CYP2J2: variants seen among roughly 807,000 people sequenced by gnomAD.
CYP2J2 encodes the protein cytochrome P450 family 2 subfamily J member 2, also known as cytochrome P450 2J2.
Under a neutral mutation model 48.8 loss-of-function variants are expected in CYP2J2, and 41 were observed. The ratio of observed to expected loss-of-function variants is 0.84; its 90% CI spans 0.66 to 1.09. The LOEUF is 1.09. CYP2J2 is among the 50% of genes least tolerant of loss of function. CYP2J2 has a pLI of 0.00. For synonymous variants in CYP2J2, 221 were observed against 227.1 expected (o/e 0.97, Z 0.24); for missense variants, 644 against 617.3 (o/e 1.04, Z -0.46).
chr1:59,916,465 G>A (rs1234759186), intron 1 of CYP2J2, among the ~76,000 whole-genome samples: 2 of 152,232 alleles, frequency 1.3e-5, no homozygotes, highest in East Asian at 3.8e-4. Context: ...CATGTGCAGT[G>A]GCTTACGCCT....
At chr1:59,942,655 T>G in the CYP2J2 span, among the ~76,000 whole-genome samples, 1 of 151,908 alleles carries the variant, frequency 6.6e-6, no homozygotes, top group East Asian at 1.9e-4. Context: ...AGAGCAGAAG[T>G]AGGAGAGACA....
chr1:59,912,143 T>C lies in CYP2J2; in HGVS notation c.523+19A>G. 1 of 1,604,994 alleles carries C rather than the reference T, an allele frequency of 6.2e-7. No homozygotes were observed. The highest frequency in any genetic ancestry group is 8.5e-7 in the Non-Finnish European group (1 of 1,175,674). On this transcript the variant is annotated intron_variant, in intron 3 of 8. Coordinates refer to ENST00000371204, the MANE Select transcript of CYP2J2 (RefSeq NM_000775.4). The stretch of plus-strand genomic sequence containing the variant: ...CAAATGGGCCACAGTCTCTCACCTC[T>C]GTCATATGCAATGCTCACCGTTCTC...
At chr1:59,959,183 C>T in the CYP2J2 span, among the ~76,000 whole-genome samples, 2 of 152,082 alleles carry the variant, frequency 1.3e-5, no homozygotes, top group Non-Finnish European at 2.9e-5. Flanking sequence ...CACAAGCATG[C>T]CTTAATATTA....
chr1:59,917,231 A>G (rs569589123), intron 1 of CYP2J2, among the ~76,000 whole-genome samples: 2 of 152,298 alleles, frequency 1.3e-5, no homozygotes, highest in Admixed American at 6.5e-5. Context: ...GCGCACAGCC[A>G]CCCAGCGAGT....
In CYP2J2 at chr1:59,912,261, G is replaced by A. The variant is rs1415858177; in HGVS notation, c.424C>T (p.Leu142=). 3.7e-6 allele frequency: 6 copies of A among 1,613,820 alleles called. No homozygotes were observed. The highest frequency in any genetic ancestry group is 5.1e-6 in the Non-Finnish European group (6 of 1,179,868). Residue 142 remains leucine, a synonymous_variant, in exon 3 of 9, where the codon CTG becomes TTG. Coordinates refer to ENST00000371204, the MANE Select transcript of CYP2J2 (RefSeq NM_000775.4). The part of the protein sequence containing the change: ...QAWKEQRRFT[L]TALRNFGLGK... ...AAACCAAAGTTCCTTAGTGCTGTCA[G>A]AGTGAACCTTCTTTGCTCCTTCCAT...
At chr1:59,915,114 T>C (rs1644453198) in intron 2 of CYP2J2, among the ~76,000 whole-genome samples, 1 of 152,232 alleles carries the variant, frequency 6.6e-6, no homozygotes, top group Admixed American at 6.5e-5. Context: ...CATGTTTTCT[T>C]GCTGACCTTC....
chr1:59,943,677 GTT>G, the CYP2J2 span, among the ~76,000 whole-genome samples: 42 of 147,302 alleles, frequency 2.9e-4, no homozygotes, highest in Admixed American at 1.4e-3. Flanking sequence ...ATCTGAAGCA[GTT>G]TTTTTTTTTT....
chr1:59,941,417 A>G, the CYP2J2 span, among the ~76,000 whole-genome samples: 1 of 152,240 alleles, frequency 6.6e-6, no homozygotes. Context: ...TAAAAGTATA[A>G]TACAAATAAT....
At chr1:59,963,995 C>T in the CYP2J2 span, among the ~76,000 whole-genome samples, 4 of 152,144 alleles carry the variant, frequency 2.6e-5, no homozygotes, top group African/African-American at 9.6e-5. Flanking sequence ...TGTTTCAATA[C>T]CTAAAAAAAA....
At chr1:59,909,151 C>T (rs928119566) in intron 5 of CYP2J2, among the ~76,000 whole-genome samples, 4 of 152,164 alleles carry the variant, frequency 2.6e-5, no homozygotes, top group Non-Finnish European at 5.9e-5. Context: ...TTGTCTTTAT[C>T]TCTAATTGCA....
intron 5 of CYP2J2, among the ~76,000 whole-genome samples, chr1:59,909,268 T>G (rs1644390398): frequency 6.6e-6 from 1 of 152,216 alleles, no homozygotes; most frequent in Non-Finnish European, 1.5e-5. Flanking sequence ...ATTCACATCC[T>G]AATGTCTGGA....
At chr1:59,959,909 T>C in the CYP2J2 span, among the ~76,000 whole-genome samples, 1 of 151,516 alleles carries the variant, frequency 6.6e-6, no homozygotes, top group South Asian at 2.1e-4. Context: ...AGAGTGGGAG[T>C]GGGGCGAGGG....
chr1:59,936,555 G>C, the CYP2J2 span, among the ~76,000 whole-genome samples: 1 of 152,006 alleles, frequency 6.6e-6, no homozygotes, highest in African/African-American at 2.4e-5. Flanking sequence ...GATTTCCTTG[G>C]GGTGCCGTCT....
intron 5 of CYP2J2, among the ~76,000 whole-genome samples, chr1:59,908,386 C>A (rs1644383242): frequency 6.6e-6 from 1 of 152,188 alleles, no homozygotes; most frequent in Non-Finnish European, 1.5e-5. Flanking sequence ...GGACGCAGAG[C>A]AAATACTCAA....
intron 1 of CYP2J2, among the ~76,000 whole-genome samples, chr1:59,918,225 T>C (rs1644483537): frequency 6.6e-6 from 1 of 152,190 alleles, no homozygotes; most frequent in South Asian, 2.1e-4. Flanking sequence ...TGGATGAACT[T>C]CTTAGGCCTG....
At chr1:59,894,294 C>A (rs943141593) in intron 8 of CYP2J2, among the ~76,000 whole-genome samples, 4 of 152,212 alleles carry the variant, frequency 2.6e-5, no homozygotes, top group African/African-American at 9.6e-5. Context: ...CATCTTTTCC[C>A]TGTGCCACTT....
intron 5 of CYP2J2, 95 bp from the exon 6 acceptor site, chr1:59,908,022 G>A (rs1644379963): frequency 1.6e-6 from 2 of 1,236,684 alleles, no homozygotes; most frequent in Non-Finnish European, 2.3e-6. Context: ...AGGACATTTG[G>A]AAGAAAAGGT....
rs368829450 is a variant in CYP2J2 at position 59,896,119 on chromosome 1, T to G, written c.1331-2290A>C. Among the ~76,000 whole-genome samples, 18 of 152,272 alleles carry G rather than the reference T, an allele frequency of 1.2e-4. No individual in the cohort carries two copies. In the East Asian group the frequency reaches 3.3e-3, roughly 28 times the overall value. On this transcript the variant is annotated intron_variant, in intron 8 of 8. Transcript: ENST00000371204. ...CCCCAGCCCTGGAATCAGCCATTTT[T>G]TTCCAAAAGTCCTGGTTTCTTTTAG...
Position 59,893,848 on chromosome 1 carries a change from A to C in CYP2J2, c.1331-19T>G, listed in dbSNP as rs1306449613. 3 of 1,586,046 alleles carry C rather than the reference A, an allele frequency of 1.9e-6. No homozygotes were observed. The highest frequency in any genetic ancestry group is 2.6e-6 in the Non-Finnish European group (3 of 1,166,782). On this transcript the variant is annotated intron_variant, in intron 8 of 8. Coordinates refer to ENST00000371204, the MANE Select transcript of CYP2J2 (RefSeq NM_000775.4). ...CGCTTTCCTGTAAGACAAAATCAAA[A>C]GACGGGTTATCTTCTCAGGTGGCAT... is the stretch of plus-strand genomic sequence containing the variant.
Sources: gnomAD v4.1 joint callset for allele counts (sites outside exome capture counted in the v4.1 genomes callset) on GRCh38, gnomAD v4.1.1 for gene constraint, MANE v1.5 for transcripts, NCBI Gene and HGNC (gene_info 2026-07-23, HGNC 2026-07-21) for gene names.